The following EP300 variants were observed in gnomAD, a reference collection of about 807,000 sequenced individuals.
The protein encoded by EP300 is EP300 lysine acetyltransferase, also known as histone acetyltransferase p300.
A neutral mutation model predicts 264.0 loss-of-function variants in EP300; 31 were observed. The observed-to-expected ratio is 0.12, with a 90% confidence interval of 0.09 to 0.16. The LOEUF (loss-of-function observed/expected upper bound fraction) is 0.16. Ranked by LOEUF, EP300 falls within the 10% of genes least tolerant of loss-of-function variation. The pLI is 1.00. For synonymous variants in EP300, 1,340 were observed against 1,045.4 expected (o/e 1.28, Z -5.44); for missense variants, 2,766 against 3,052.9 (o/e 0.91, Z 2.21).
At chr22:41,097,678 C>G (rs1161183417) in intron 1 of EP300, among the ~76,000 whole-genome samples, 5 of 152,128 alleles carry the variant, frequency 3.3e-5, no homozygotes, top group Admixed American at 2.6e-4. Context: ...TTATGTTTGT[C>G]CAGATTTTAG....
chr22:41,144,999 C>G (rs529721454), intron 10 of EP300, among the ~76,000 whole-genome samples: 95 of 152,224 alleles, frequency 6.2e-4, no homozygotes, highest in African/African-American at 2.2e-3. Flanking sequence ...GCTGTGTTTT[C>G]TCTCCACTTC....
At chr22:41,125,340 T>G (rs1230425750) in intron 2 of EP300, among the ~76,000 whole-genome samples, 2 of 151,646 alleles carry the variant, frequency 1.3e-5, no homozygotes, top group Admixed American at 1.3e-4. Flanking sequence ...GGATAGTCTC[T>G]ATCTCCTGAC....
In EP300 at chr22:41,129,997, C is replaced by G. The variant is rs2145713785; in HGVS notation, c.1276C>G (p.Gln426Glu). 1 of 1,610,090 alleles carries G rather than the reference C, an allele frequency of 6.2e-7. No individual in the cohort carries two copies. Among genetic ancestry groups the G allele is most frequent in the South Asian group, 1.1e-5 (1 of 90,992 alleles). ...PLKNAGDKRN[Q>E]QPILTGAPVG... ...CAAAAATGCTGGTGATAAGAGAAATCAACAGCGTAAGTGATGAAATCTTTT... is the reference window on the plus strand; with the variant it reads ...CAAAAATGCTGGTGATAAGAGAAATGAACAGCGTAAGTGATGAAATCTTTT... Residue 426 changes from glutamine (Q) to glutamate (E), a missense_variant, in exon 5 of 31, where the codon CAA (glutamine) becomes GAA (glutamate). Transcript: ENST00000263253.
chr22:41,172,510 A>G lies in EP300; in HGVS notation c.4464A>G (p.Lys1488=), dbSNP rs2059176597. The change falls in exon 28 of 31, where the codon AAA becomes AAG. Residue 1488 remains lysine (K), a synonymous_variant. Coordinates refer to ENST00000263253, the MANE Select transcript of EP300 (RefSeq NM_001429.4). ...RIVHDYKDIF[K]QATEDRLTSA... Reference sequence around the variant, plus strand: ...GCATGTTTTCACAGGATATTTTTAAACAAGCTACTGAAGATAGATTAACAA... The same window carrying G: ...GCATGTTTTCACAGGATATTTTTAAGCAAGCTACTGAAGATAGATTAACAA... 1 of 1,613,558 alleles carries G rather than the reference A, an allele frequency of 6.2e-7. No homozygotes were observed. The highest frequency in any genetic ancestry group is 8.5e-7 in the Non-Finnish European group (1 of 1,179,502).
chr22:41,113,632 T>C (rs891940036), intron 1 of EP300, among the ~76,000 whole-genome samples: 3 of 152,102 alleles, frequency 2.0e-5, no homozygotes, highest in African/African-American at 7.2e-5. Flanking sequence ...CTGCAAACTC[T>C]GTCTCCCGGG....
At chr22:41,153,585 A>G (rs1485828755) in intron 16 of EP300, among the ~76,000 whole-genome samples, 5 of 152,054 alleles carry the variant, frequency 3.3e-5, no homozygotes, top group African/African-American at 1.2e-4. Flanking sequence ...CTCTGTCTCT[A>G]CTAAAAGTAC....
At chr22:41,173,015 T>C (rs1230333443) in intron 28 of EP300, among the ~76,000 whole-genome samples, 2 of 152,192 alleles carry the variant, frequency 1.3e-5, no homozygotes, top group Non-Finnish European at 2.9e-5. Context: ...TTCTGTCTTT[T>C]AAAAACACAC....
Position 41,108,641 on chromosome 22 carries a change from C to CA in EP300, c.95-8536dup, listed in dbSNP as rs140652493. On this transcript the variant is annotated intron_variant, in intron 1 of 30. Transcript: ENST00000263253. ...AGTGTACACTCAGATGAAGAAACTT[C>CA]AAAAAAAAAATACTGCTCCTTGTGA... is the stretch of plus-strand genomic sequence containing the variant. 6.1e-3 allele frequency among the ~76,000 whole-genome samples: 899 copies of CA among 147,484 alleles called. 7 individuals carry two copies. The highest frequency in any genetic ancestry group is 0.011 in the South Asian group (50 of 4,672).
intron 1 of EP300, among the ~76,000 whole-genome samples, chr22:41,112,077 A>T (rs1463334796): frequency 1.1e-4 from 17 of 148,968 alleles, no homozygotes; most frequent in African/African-American, 4.2e-4. Flanking sequence ...TTTAGTAGAG[A>T]CGGGGTTTCA....
Position 41,150,183 on chromosome 22 carries a change from G to T in EP300, c.2802G>T (p.Pro934=), listed in dbSNP as rs201374098. The T allele has an allele frequency of 4.4e-6, 7 of 1,607,612 alleles. No homozygotes were observed. The highest frequency in any genetic ancestry group is 5.1e-6 in the Non-Finnish European group (6 of 1,178,902). The change falls in exon 14 of 31, where the codon CCG becomes CCT. Residue 934 remains proline (P), a synonymous_variant. Transcript: ENST00000263253. ...CCCCAACAGCACCGCTGCTTCCTCC[G>T]CAGCCTGCAACTCCAGTAAGTAGAG... ...VPTPTAPLLP[P]QPATPLSQPA... is the part of the protein sequence containing the mutation.
intron 2 of EP300, among the ~76,000 whole-genome samples, chr22:41,120,819 C>T (rs1043271023): frequency 2.0e-5 from 3 of 152,188 alleles, no homozygotes; most frequent in African/African-American, 4.8e-5. Context: ...CCCAGGCTTA[C>T]GCGATCCTCC....
intron 2 of EP300, 131 bp downstream of exon 2, chr22:41,117,952 G>A: frequency 7.1e-7 from 1 of 1,410,166 alleles, no homozygotes; most frequent in Admixed American, 2.0e-5. Flanking sequence ...GCTGTCATAA[G>A]TTTTAAGAAG....
intron 26 of EP300, among the ~76,000 whole-genome samples, chr22:41,170,003 T>A (rs893861899): frequency 7.2e-5 from 11 of 152,218 alleles, no homozygotes; most frequent in African/African-American, 2.7e-4. Context: ...TTGGAAACAT[T>A]CACTCCCTCA....
chr22:41,131,372 C>G lies in EP300; in HGVS notation c.1283-16C>G. The G allele has an allele frequency of 6.2e-7, 1 of 1,612,742 alleles. No individual in the cohort carries two copies. Among genetic ancestry groups the G allele is most frequent in the South Asian group, 1.1e-5 (1 of 91,026 alleles). On this transcript the variant is annotated splice_polypyrimidine_tract_variant and intron_variant, in intron 5 of 30. Transcript: ENST00000263253. ...CCAGCATTAATTTGTAATACTATAT[C>G]TTTTGTCTTCTCTAGCAATTTTGAC...
chr22:41,162,694 T>C, intron 20 of EP300, 29 bp from the exon 21 acceptor site: 1 of 1,578,184 alleles, frequency 6.3e-7, no homozygotes, highest in South Asian at 1.1e-5. Flanking sequence ...CTATCACTTT[T>C]TCTCATTGTG....
chr22:41,110,356 G>A (rs2058783108), intron 1 of EP300, among the ~76,000 whole-genome samples: 2 of 123,620 alleles, frequency 1.6e-5, no homozygotes, highest in African/African-American at 3.1e-5. Flanking sequence ...AAGCTGGAGT[G>A]CAGTGGTGTC....
intron 3 of EP300, 89 bp downstream of exon 3, chr22:41,126,129 TG>T (rs1270447648): frequency 7.1e-7 from 1 of 1,402,410 alleles, no homozygotes; most frequent in African/African-American, 1.4e-5. Context: ...TTATATATGC[TG>T]GGATTTGTAC....
intron 14 of EP300, among the ~76,000 whole-genome samples, chr22:41,151,103 A>G (rs1445071466): frequency 6.6e-6 from 1 of 152,022 alleles, no homozygotes; most frequent in African/African-American, 2.4e-5. Context: ...TTTGATACCG[A>G]TATTAATATA....
At chr22:41,111,342 T>TTA (rs1374197292) in intron 1 of EP300, among the ~76,000 whole-genome samples, 1 of 152,200 alleles carries the variant, frequency 6.6e-6, no homozygotes, top group Admixed American at 6.5e-5. Context: ...TTTGATACGT[T>TTA]TATATTTATG....
Sources: allele counts gnomAD v4.1 joint callset (sites outside exome capture counted in the v4.1 genomes callset), GRCh38; gene constraint gnomAD v4.1.1; transcripts MANE v1.5; gene names NCBI Gene and HGNC (gene_info 2026-07-23, HGNC 2026-07-21).